Variants in NSUN6 observed in about 807,000 individuals in gnomAD.
The protein encoded by NSUN6 is NOP2/Sun RNA methyltransferase 6.
A neutral mutation model predicts 58.0 loss-of-function variants in NSUN6; 64 were observed. The observed-to-expected ratio is 1.10, with a 90% CI of 0.90 to 1.36. The LOEUF is 1.36. Among genes scored for constraint, NSUN6 ranks in the 40% most tolerant of loss-of-function variants. The probability of loss-of-function intolerance (pLI) is 0.00; values close to 1 mark genes in which losing one functional copy is unlikely to be tolerated. For synonymous variants in NSUN6, 231 were observed against 193.9 expected, an observed-to-expected ratio of 1.19 and a Z score of -1.59; for missense variants, 701 against 550.1, an observed-to-expected ratio of 1.27 and a Z score of -2.74.
intron 3 of NSUN6, among the ~76,000 whole-genome samples, chr10:18,630,115 C>T (rs1302335638): frequency 1.5e-5 from 2 of 134,430 alleles, no homozygotes; most frequent in African/African-American, 5.7e-5. Flanking sequence ...CAAAACTGCT[C>T]AGCTACATGG....
chr10:18,552,411 G>C (rs1048286679), intron 8 of NSUN6, among the ~76,000 whole-genome samples: 2 of 152,090 alleles, frequency 1.3e-5, no homozygotes, highest in Non-Finnish European at 2.9e-5. Context: ...TGTTTCTGTG[G>C]CCATGAGAAT....
chr10:18,645,596 A>G (rs1016179766), intron 2 of NSUN6, among the ~76,000 whole-genome samples: 3 of 152,238 alleles, frequency 2.0e-5, no homozygotes, highest in African/African-American at 4.8e-5. Flanking sequence ...ATTCTACTGT[A>G]TGAATATATC....
rs368625655 is a variant in NSUN6 at position 18,619,215 on chromosome 10, A to G, written c.312-2922T>C. Among the ~76,000 whole-genome samples, 3 of 152,308 alleles carry G rather than the reference A, an allele frequency of 2.0e-5. No individual in the cohort carries two copies. The South Asian group carries it at 6.2e-4, about 32-fold the overall frequency. On this transcript the variant is annotated intron_variant, in intron 3 of 10. Coordinates refer to ENST00000377304, the MANE Select transcript of NSUN6 (RefSeq NM_182543.5). ...GAGTGGTGTCACTTAGTTTTTGCCA[A>G]GTACCCAGGAATTGGCTTGGGACCA...
intron 8 of NSUN6, among the ~76,000 whole-genome samples, chr10:18,576,994 T>G (rs936906365): frequency 1.3e-5 from 2 of 152,220 alleles, no homozygotes; most frequent in Non-Finnish European, 2.9e-5. Flanking sequence ...ACCAGATCAA[T>G]TTAAAGCCTG....
intron 3 of NSUN6, among the ~76,000 whole-genome samples, chr10:18,640,262 A>G (rs1234231431): frequency 6.6e-6 from 1 of 152,186 alleles, no homozygotes; most frequent in Non-Finnish European, 1.5e-5. Flanking sequence ...CGGTCTATAA[A>G]AAATCAAATT....
In NSUN6 at chr10:18,557,232, G is replaced by A. The variant is rs568209938; in HGVS notation, c.923-5261C>T. ...CAATGGAGAAAAGAGAACATGGAATGGAGAATGGAATTGAATGCAGAATGG... is the reference window on the plus strand; with the variant it reads ...CAATGGAGAAAAGAGAACATGGAATAGAGAATGGAATTGAATGCAGAATGG... On this transcript the variant is annotated intron_variant, in intron 8 of 10. Transcript: ENST00000377304. Among the ~76,000 whole-genome samples the A allele has an allele frequency of 2.6e-5, 4 of 151,322 alleles. No individual in the cohort carries two copies. The South Asian group carries it at 8.4e-4, about 32-fold the overall frequency.
At chr10:18,614,930 T>C (rs547174164) in intron 4 of NSUN6, among the ~76,000 whole-genome samples, 1 of 152,258 alleles carries the variant, frequency 6.6e-6, no homozygotes, top group Non-Finnish European at 1.5e-5. Context: ...CTTATAAATC[T>C]TGACATCTCA....
chr10:18,545,791 C>A lies in NSUN6; in HGVS notation c.*142G>T, dbSNP rs2054214594. ...CTACTTCCTCTATGTCTCTGGATCCCTGGTAAAACAGCTGGCAGCCTTTTC... is the reference window on the plus strand; with the variant it reads ...CTACTTCCTCTATGTCTCTGGATCCATGGTAAAACAGCTGGCAGCCTTTTC... On this transcript the variant is annotated 3_prime_UTR_variant, in exon 11 of 11. Coordinates refer to ENST00000377304, the MANE Select transcript of NSUN6 (RefSeq NM_182543.5). The A allele has an allele frequency of 3.1e-6, 2 of 642,484 alleles. No homozygotes were observed. Among genetic ancestry groups the A allele is most frequent in the Non-Finnish European group, 5.4e-6 (2 of 369,956 alleles). The allele number at this position is 642,484 out of a possible 1,614,324, so 39.8% of individuals were successfully genotyped here.
intron 8 of NSUN6, among the ~76,000 whole-genome samples, chr10:18,562,728 AAATGGAATG>A (rs2055618085): frequency 3.6e-5 from 5 of 138,708 alleles, no homozygotes; most frequent in African/African-American, 1.6e-4. Flanking sequence ...ATGGAATGCG[AAATGGAATG>A]GAATGGAGAA....
At chr10:18,554,294 G>T (rs544050113) in intron 8 of NSUN6, among the ~76,000 whole-genome samples, 1 of 151,734 alleles carries the variant, frequency 6.6e-6, no homozygotes, top group East Asian at 2.0e-4. Flanking sequence ...GAATGGAATG[G>T]AGAACAGAAT....
intron 3 of NSUN6, among the ~76,000 whole-genome samples, chr10:18,622,061 GAC>G (rs142055090): frequency 2.1e-5 from 3 of 140,830 alleles, no homozygotes; most frequent in Non-Finnish European, 3.1e-5. Flanking sequence ...CACACACACA[GAC>G]ACACACACAC....
chr10:18,610,129 G>A (rs939686396), intron 5 of NSUN6, among the ~76,000 whole-genome samples: 1 of 152,076 alleles, frequency 6.6e-6, no homozygotes, highest in East Asian at 1.9e-4. Context: ...AGACCAGCCC[G>A]ACCAACATGG....
chr10:18,556,930 C>T (rs968481440), intron 8 of NSUN6, among the ~76,000 whole-genome samples: 8 of 120,164 alleles, frequency 6.7e-5, no homozygotes, highest in Admixed American at 4.4e-4. Context: ...TGGTATGGAA[C>T]GGAATGGAGA....
chr10:18,641,472 C>T (rs1169735298), intron 3 of NSUN6, among the ~76,000 whole-genome samples: 1 of 151,482 alleles, frequency 6.6e-6, no homozygotes, highest in Non-Finnish European at 1.5e-5. Context: ...CTCAAATGAT[C>T]CTTCCACCTC....
At chr10:18,546,170 T>C in intron 10 of NSUN6, 25 bp from the exon 11 acceptor site, 3 of 1,459,800 alleles carry the variant, frequency 2.1e-6, no homozygotes, top group East Asian at 2.3e-5. Flanking sequence ...TGGATCAATA[T>C]GGATGAACAT....
intron 8 of NSUN6, among the ~76,000 whole-genome samples, chr10:18,558,280 A>G (rs1225980213): frequency 6.7e-6 from 1 of 150,248 alleles, no homozygotes; most frequent in African/African-American, 2.4e-5. Flanking sequence ...TGGAATGGAG[A>G]ATGGAAGGAA....
In NSUN6 at chr10:18,545,730, C is replaced by A; in HGVS notation, c.*203G>T. The A allele has an allele frequency of 4.7e-6, 2 of 429,440 alleles. No individual in the cohort carries two copies. The highest frequency in any genetic ancestry group is 7.8e-6 in the Non-Finnish European group (2 of 257,312). The allele number at this position is 429,440 out of a possible 1,614,324, so 26.6% of individuals were successfully genotyped here. A position where few individuals can be genotyped will look rare whatever the true frequency, so the allele number is the denominator to read the frequency against. ...TACTAAATACATAAAAAAAAAAAAT[C>A]TTTTAAAAACAGAAAATATAATCTC... On this transcript the variant is annotated 3_prime_UTR_variant, in exon 11 of 11. Transcript: ENST00000377304.
intron 3 of NSUN6, among the ~76,000 whole-genome samples, chr10:18,635,256 C>A (rs1472644624): frequency 2.6e-4 from 40 of 152,182 alleles, no homozygotes; most frequent in Admixed American, 2.5e-3. Context: ...TTCTTCCAAA[C>A]TTCACCCCAT....
chr10:18,639,518 T>A (rs1299203796), intron 3 of NSUN6, among the ~76,000 whole-genome samples: 6 of 151,844 alleles, frequency 4.0e-5, no homozygotes, highest in Non-Finnish European at 7.4e-5. Context: ...ACAAAAAAAT[T>A]TTAAAAACAG....
Sources: allele counts gnomAD v4.1 joint callset (sites outside exome capture counted in the v4.1 genomes callset), GRCh38; gene constraint gnomAD v4.1.1; transcripts MANE v1.5; gene names NCBI Gene and HGNC (gene_info 2026-07-23, HGNC 2026-07-21).